CCNH: variants seen among roughly 807,000 people sequenced by gnomAD.
CCNH encodes cyclin H.
In CCNH, 31 loss-of-function variants were observed where a neutral mutation model predicts 41.9. The ratio of observed to expected loss-of-function variants is 0.74; its 90% CI spans 0.56 to 1.00. CCNH has a LOEUF of 1.00. Among genes scored for constraint, CCNH ranks in the 50% least tolerant of loss-of-function variants. CCNH has a pLI of 0.00. For missense variants in CCNH, 362 were observed against 388.4 expected (o/e 0.93, Z 0.57); for synonymous variants, 138 against 136.1 (o/e 1.01, Z -0.10).
At chr5:87,342,307 C>G (rs1758531720) in intron 9 of CCNH, among the ~76,000 whole-genome samples, 1 of 151,980 alleles carries the variant, frequency 6.6e-6, no homozygotes, top group African/African-American at 2.4e-5. Context: ...CACCGGCGCA[C>G]AACACCATGC....
intron 9 of CCNH, among the ~76,000 whole-genome samples, chr5:87,352,622 C>G (rs1759357306): frequency 2.0e-5 from 3 of 151,598 alleles, no homozygotes; most frequent in Admixed American, 1.3e-4. Flanking sequence ...GCTTTTCTCC[C>G]TATAGTGATA....
chr5:87,385,158 T>G (rs1761981353), intron 9 of CCNH: 2 of 678,614 alleles, frequency 2.9e-6, no homozygotes, highest in Admixed American at 5.1e-5. Flanking sequence ...CAAAAAACAT[T>G]TTTCCAAAAA....
chr5:87,394,829 T>A, intron 8 of CCNH: 1 of 1,362,962 alleles, frequency 7.3e-7, no homozygotes, highest in Non-Finnish European at 9.4e-7. Flanking sequence ...CTGCTTTCTA[T>A]GAACACAGGA....
At chr5:87,323,108 A>T (rs1245359764) in intron 9 of CCNH, among the ~76,000 whole-genome samples, 1 of 152,210 alleles carries the variant, frequency 6.6e-6, no homozygotes, top group Non-Finnish European at 1.5e-5. Flanking sequence ...TGGATAACTG[A>T]TATTTCCATG....
At chr5:87,350,091 C>T (rs188877567) in intron 9 of CCNH, among the ~76,000 whole-genome samples, 6 of 151,908 alleles carry the variant, frequency 3.9e-5, no homozygotes, top group Admixed American at 3.3e-4. Flanking sequence ...GCAGTATTCT[C>T]TATCTGAATT....
At chr5:87,374,994 A>G, downstream of CCNH, 1 of 1,505,230 alleles carries the variant, frequency 6.6e-7, no homozygotes, top group East Asian at 2.4e-5. Flanking sequence ...AAAGTCTTAA[A>G]ATAGAAATTA....
the CCNH span, among the ~76,000 whole-genome samples, chr5:87,312,393 G>A: frequency 5.7e-4 from 87 of 152,234 alleles, 1 homozygote; most frequent in Admixed American, 1.4e-3. Context: ...TATATTTTAC[G>A]TGAAGAATAT....
downstream of CCNH, chr5:87,374,911 A>G (rs1385282821): frequency 6.8e-6 from 11 of 1,606,826 alleles, no homozygotes; most frequent in Non-Finnish European, 9.3e-6. Context: ...AAAGATCCTG[A>G]TATCTGTAAG....
At chr5:87,326,867 T>C (rs1346285182) in intron 9 of CCNH, among the ~76,000 whole-genome samples, 1 of 152,116 alleles carries the variant, frequency 6.6e-6, no homozygotes, top group Non-Finnish European at 1.5e-5. Context: ...AATGCCTTAG[T>C]AGAAAAAAAG....
At chr5:87,356,726 C>T (rs1428168039) in intron 9 of CCNH, among the ~76,000 whole-genome samples, 1 of 152,144 alleles carries the variant, frequency 6.6e-6, no homozygotes, top group East Asian at 1.9e-4. Context: ...CATTGTTAGA[C>T]ATAATGCTAT....
upstream of CCNH, chr5:87,379,878 G>GA: frequency 6.2e-7 from 1 of 1,602,378 alleles, no homozygotes; most frequent in Non-Finnish European, 8.5e-7. Context: ...CATTTGACAA[G>GA]AAATTGTGTA....
intron 9 of CCNH, among the ~76,000 whole-genome samples, chr5:87,383,161 T>G (rs1009829049): frequency 6.6e-6 from 1 of 152,114 alleles, no homozygotes; most frequent in African/African-American, 2.4e-5. Flanking sequence ...TTTTCATTGA[T>G]CAATAAGTCA....
At chr5:87,380,521 T>C (rs1471604207), upstream of CCNH, 7 of 1,612,772 alleles carry the variant, frequency 4.3e-6, no homozygotes, top group East Asian at 2.2e-5. Flanking sequence ...CATTGAGATA[T>C]ATTTATGGGT....
At chr5:87,384,151 G>A (rs1259273557) in intron 9 of CCNH, among the ~76,000 whole-genome samples, 1 of 152,092 alleles carries the variant, frequency 6.6e-6, no homozygotes, top group Non-Finnish European at 1.5e-5. Flanking sequence ...AGATCTTCAA[G>A]ATCAAATTAA....
chr5:87,401,272 G>A (rs974600037), intron 6 of CCNH, among the ~76,000 whole-genome samples: 1 of 152,200 alleles, frequency 6.6e-6, no homozygotes, highest in Non-Finnish European at 1.5e-5. Flanking sequence ...TTTCTCTGCT[G>A]TCTTAACAGT....
chr5:87,391,222 A>G (rs746490278), downstream of CCNH: 10 of 437,266 alleles, frequency 2.3e-5, no homozygotes, highest in Non-Finnish European at 3.4e-5. Flanking sequence ...CCCAGTTGCC[A>G]AAGTTTTGCT....
At chr5:87,369,185 A>C (rs1359810264) in intron 9 of CCNH, among the ~76,000 whole-genome samples, 2 of 152,170 alleles carry the variant, frequency 1.3e-5, no homozygotes, top group Non-Finnish European at 2.9e-5. Flanking sequence ...AATATTTTCA[A>C]GTCTAGTTGG....
upstream of CCNH, chr5:87,380,627 AT>A: frequency 6.6e-7 from 1 of 1,510,678 alleles, no homozygotes; most frequent in Non-Finnish European, 9.2e-7. Context: ...GTTAAATCAC[AT>A]ACTAATAGGT....
chr5:87,311,651 C>T, the CCNH span, among the ~76,000 whole-genome samples: 6 of 152,196 alleles, frequency 3.9e-5, no homozygotes, highest in Non-Finnish European at 8.8e-5. Context: ...TGTGACAACA[C>T]GTGTCAAGTA....
Sources: gnomAD v4.1 joint callset for allele counts (sites outside exome capture counted in the v4.1 genomes callset) on GRCh38, gnomAD v4.1.1 for gene constraint, MANE v1.5 for transcripts, NCBI Gene and HGNC (gene_info 2026-07-23, HGNC 2026-07-21) for gene names.